RPAP2: variants seen among roughly 807,000 people sequenced by gnomAD.
The protein encoded by RPAP2 is RNA polymerase II associated protein 2, also known as putative RNA polymerase II subunit B1 CTD phosphatase RPAP2.
RPAP2 carries 52 observed loss-of-function variants against 73.1 expected under a neutral mutation model. The observed-to-expected ratio is 0.71, with a 90% CI of 0.57 to 0.90. The LOEUF (loss-of-function observed/expected upper bound fraction) is 0.90. RPAP2 is among the 40% of genes least tolerant of loss of function. The probability of loss-of-function intolerance (pLI) is 0.00; values close to 1 mark genes in which losing one functional copy is unlikely to be tolerated. For synonymous variants in RPAP2, 225 were observed against 242.1 expected (o/e 0.93, Z 0.65); for missense variants, 598 against 701.8 (o/e 0.85, Z 1.67).
chr1:92,331,415 C>T (rs1652958695), intron 8 of RPAP2, among the ~76,000 whole-genome samples: 1 of 152,096 alleles, frequency 6.6e-6, no homozygotes, highest in Non-Finnish European at 1.5e-5. Flanking sequence ...TTCTGTCTTC[C>T]TTTTCTCTCT....
chr1:92,322,580 A>G (rs946358389), intron 7 of RPAP2, among the ~76,000 whole-genome samples: 1 of 151,338 alleles, frequency 6.6e-6, no homozygotes, highest in African/African-American at 2.4e-5. Flanking sequence ...AAAAAATAAA[A>G]AATAAAAAGC....
chr1:92,346,770 A>G (rs987622866), intron 11 of RPAP2, among the ~76,000 whole-genome samples: 2 of 152,184 alleles, frequency 1.3e-5, no homozygotes, highest in Non-Finnish European at 2.9e-5. Flanking sequence ...AGTGGTTTCT[A>G]AGGCTATTTA....
intron 11 of RPAP2, among the ~76,000 whole-genome samples, chr1:92,365,238 T>G (rs983973572): frequency 6.6e-6 from 1 of 152,186 alleles, no homozygotes; most frequent in African/African-American, 2.4e-5. Flanking sequence ...TATAAAAATC[T>G]CATTTTCTTT....
chr1:92,300,100 T>C (rs1018324758), intron 1 of RPAP2, 94 bp from the exon 2 acceptor site: 1 of 794,436 alleles, frequency 1.3e-6, no homozygotes, highest in Non-Finnish European at 2.1e-6. Context: ...ACAGTAAAAA[T>C]ACAGTATTTT....
At chr1:92,340,078 T>C (rs1288459348) in intron 10 of RPAP2, among the ~76,000 whole-genome samples, 2 of 152,194 alleles carry the variant, frequency 1.3e-5, no homozygotes, top group South Asian at 4.1e-4. Flanking sequence ...TAAAAAGCTT[T>C]GGGAAAATAA....
At chr1:92,327,869 A>T (rs934715767) in intron 8 of RPAP2, among the ~76,000 whole-genome samples, 1 of 152,174 alleles carries the variant, frequency 6.6e-6, no homozygotes, top group Non-Finnish European at 1.5e-5. Context: ...GAATTCTCTC[A>T]GAATTTGTTT....
chr1:92,331,817 G>A (rs964078447), intron 8 of RPAP2, among the ~76,000 whole-genome samples: 3 of 151,852 alleles, frequency 2.0e-5, no homozygotes, highest in Admixed American at 2.0e-4. Flanking sequence ...ACTTCTCTTA[G>A]TATCAGTTGA....
At chr1:92,323,165 T>G (rs1255840161) in intron 7 of RPAP2, among the ~76,000 whole-genome samples, 1 of 149,794 alleles carries the variant, frequency 6.7e-6, no homozygotes, top group African/African-American at 2.4e-5. Context: ...TTTGCTGTAC[T>G]CCTGTAACAA....
At chr1:92,337,965 T>G (rs989394177) in intron 10 of RPAP2, among the ~76,000 whole-genome samples, 1 of 152,216 alleles carries the variant, frequency 6.6e-6, no homozygotes, top group Non-Finnish European at 1.5e-5. Flanking sequence ...TCCCAAGATA[T>G]GTTCTTGAGA....
In RPAP2 at chr1:92,380,794, C is replaced by A. The variant is rs780645121; in HGVS notation, c.1759C>A (p.Leu587Ile). ...GMVFTRFLDT[L>I]LEELHLKNED... ...GGTGTTTACACGGTTTCTAGACACC[C>A]TCCTTGAAGAATTACATCTAAAAAA... The change falls in exon 12 of 13, where the codon CTC becomes ATC. Residue 587 changes from leucine (L) to isoleucine (I), a missense_variant. Coordinates refer to ENST00000610020, the MANE Select transcript of RPAP2 (RefSeq NM_024813.3). 1 of 1,607,486 alleles carries A rather than the reference C, an allele frequency of 6.2e-7. No homozygotes were observed. The highest frequency in any genetic ancestry group is 1.7e-5 in the Admixed American group (1 of 58,890).
At chr1:92,379,637 T>C (rs1203965903) in intron 11 of RPAP2, among the ~76,000 whole-genome samples, 2 of 152,156 alleles carry the variant, frequency 1.3e-5, no homozygotes, top group Admixed American at 6.5e-5. Flanking sequence ...TTTAGTGTTT[T>C]AAAAAGAAAA....
At chr1:92,378,339 G>C (rs1655480270) in intron 11 of RPAP2, among the ~76,000 whole-genome samples, 1 of 151,920 alleles carries the variant, frequency 6.6e-6, no homozygotes, top group African/African-American at 2.4e-5. Flanking sequence ...TGAGTAGCTA[G>C]GATTACAGGT....
At chr1:92,351,305 C>CAAAA (rs60111119) in intron 11 of RPAP2, among the ~76,000 whole-genome samples, 633 of 85,578 alleles carry the variant, frequency 7.4e-3, no homozygotes, top group Non-Finnish European at 0.011. Context: ...GACTCTGTCT[C>CAAAA]AAAAAAAAAA....
rs1470215135 is a variant in RPAP2 at position 92,308,101 on chromosome 1, A to T, written c.488+825A>T. Among the ~76,000 whole-genome samples the T allele has an allele frequency of 2.0e-5, 3 of 152,222 alleles. No homozygotes were observed. The East Asian group carries it at 5.8e-4, about 29-fold the overall frequency. On this transcript the variant is annotated intron_variant, in intron 6 of 12. Coordinates refer to ENST00000610020, the MANE Select transcript of RPAP2 (RefSeq NM_024813.3). Reference sequence around the variant, plus strand: ...TCAAAAAAAAAAAAGCAAACCTTGAAGTCTTTTCTGATGCGTAAGGCGATG... The same window carrying T: ...TCAAAAAAAAAAAAGCAAACCTTGATGTCTTTTCTGATGCGTAAGGCGATG...
chr1:92,380,487 G>C (rs941407320), intron 11 of RPAP2, among the ~76,000 whole-genome samples: 8 of 152,142 alleles, frequency 5.3e-5, no homozygotes, highest in Non-Finnish European at 8.8e-5. Context: ...GCATGAAGAA[G>C]AACAAACATA....
intron 7 of RPAP2, among the ~76,000 whole-genome samples, chr1:92,323,222 G>A (rs1571057457): frequency 6.6e-6 from 1 of 151,256 alleles, no homozygotes; most frequent in African/African-American, 2.4e-5. Context: ...TACAGAAGGA[G>A]AACTATATCA....
At chr1:92,368,500 A>G (rs1655019285) in intron 11 of RPAP2, among the ~76,000 whole-genome samples, 1 of 152,230 alleles carries the variant, frequency 6.6e-6, no homozygotes, top group Admixed American at 6.5e-5. Flanking sequence ...CTCTTTATAT[A>G]TATTTTTCTG....
intron 6 of RPAP2, among the ~76,000 whole-genome samples, chr1:92,311,257 G>A (rs1042168788): frequency 3.3e-5 from 5 of 152,150 alleles, no homozygotes; most frequent in South Asian, 2.1e-4. Context: ...TTCAACTTCC[G>A]AGTTCCCTTT....
chr1:92,317,038 G>A (rs548013759), intron 6 of RPAP2, among the ~76,000 whole-genome samples: 37 of 152,260 alleles, frequency 2.4e-4, no homozygotes, highest in Non-Finnish European at 4.6e-4. Flanking sequence ...CCTGTGAAAG[G>A]GATTAAGCAA....
Sources: allele counts gnomAD v4.1 joint callset (sites outside exome capture counted in the v4.1 genomes callset), GRCh38; gene constraint gnomAD v4.1.1; transcripts MANE v1.5; gene names NCBI Gene and HGNC (gene_info 2026-07-23, HGNC 2026-07-21).